The following SNTG2 variants were observed in gnomAD, a reference collection of about 807,000 sequenced individuals.
SNTG2 encodes gamma-2-syntrophin.
Under a neutral mutation model 70.9 loss-of-function variants are expected in SNTG2, and 74 were observed. The observed-to-expected ratio is 1.04, with a 90% CI of 0.86 to 1.27. The LOEUF (loss-of-function observed/expected upper bound fraction) is 1.27, where lower values mean the gene tolerates loss of function less well. Among genes scored for constraint, SNTG2 ranks in the 50% most tolerant of loss-of-function variants. The pLI is 0.00. For missense variants in SNTG2, 717 were observed against 690.7 expected, an observed-to-expected ratio of 1.04 and a Z score of -0.43; for synonymous variants, 278 against 273.8, an observed-to-expected ratio of 1.02 and a Z score of -0.15.
At chr2:1,262,624 GGAAACCCAAAGGCTCAGTCCAGACGTA>G (rs1678474349) in intron 13 of SNTG2, among the ~76,000 whole-genome samples, 1 of 138,708 alleles carries the variant, frequency 7.2e-6, no homozygotes, top group Non-Finnish European at 1.6e-5. Context: ...GTCCAGACGA[GGAAACCCAAAGGCTCAGTCCAGACGTA>G]GTAACCGGAA....
intron 1 of SNTG2, among the ~76,000 whole-genome samples, chr2:964,343 C>T (rs548262213): frequency 5.8e-4 from 88 of 152,278 alleles, no homozygotes; most frequent in Admixed American, 3.4e-3. Flanking sequence ...ATGGTGTCTC[C>T]GCCTGCCTCC....
At chr2:1,292,488 A>G (rs935533811) in intron 14 of SNTG2, among the ~76,000 whole-genome samples, 1 of 152,140 alleles carries the variant, frequency 6.6e-6, no homozygotes, top group African/African-American at 2.4e-5. Flanking sequence ...GGGCTTTTAT[A>G]TAAGGCCTTT....
chr2:1,189,681 C>G (rs909126404), intron 8 of SNTG2, among the ~76,000 whole-genome samples: 1 of 151,968 alleles, frequency 6.6e-6, no homozygotes, highest in Non-Finnish European at 1.5e-5. Flanking sequence ...GCCTCAGCCT[C>G]CCAAGTAGGT....
At chr2:1,299,492 C>G (rs1267598987) in intron 14 of SNTG2, among the ~76,000 whole-genome samples, 3 of 152,196 alleles carry the variant, frequency 2.0e-5, no homozygotes, top group Non-Finnish European at 4.4e-5. Context: ...ACACCTGGCT[C>G]TCCTCCCTGG....
intron 1 of SNTG2, among the ~76,000 whole-genome samples, chr2:964,913 C>A (rs530653737): frequency 1.2e-4 from 19 of 152,222 alleles, no homozygotes; most frequent in Admixed American, 2.0e-4. Context: ...GGTGGCAGCC[C>A]CCTCTGTCCT....
chr2:1,125,856 CTG>C (rs1433037167), intron 4 of SNTG2, among the ~76,000 whole-genome samples: 1 of 151,890 alleles, frequency 6.6e-6, no homozygotes, highest in Non-Finnish European at 1.5e-5. Context: ...TAGGGTGAAG[CTG>C]TGTTTTTTTT....
chr2:1,284,875 TATTAGTC>T (rs1300929963), intron 14 of SNTG2, among the ~76,000 whole-genome samples: 1 of 148,610 alleles, frequency 6.7e-6, no homozygotes, highest in Non-Finnish European at 1.5e-5. Flanking sequence ...ATACTTACTG[TATTAGTC>T]AGGGTTCTCT....
At chr2:1,073,416 AGAT>A (rs1663706182) in intron 1 of SNTG2, among the ~76,000 whole-genome samples, 1 of 152,264 alleles carries the variant, frequency 6.6e-6, no homozygotes, top group South Asian at 2.1e-4. Flanking sequence ...GCCAAGGCTC[AGAT>A]GATTGTTAAC....
intron 1 of SNTG2, among the ~76,000 whole-genome samples, chr2:1,061,953 A>G (rs1415963766): frequency 1.3e-5 from 2 of 152,214 alleles, no homozygotes; most frequent in East Asian, 3.8e-4. Context: ...CTATAAATCT[A>G]TAACAAAGAA....
intron 1 of SNTG2, among the ~76,000 whole-genome samples, chr2:960,958 T>G (rs1572166194): frequency 6.6e-6 from 1 of 152,336 alleles, no homozygotes; most frequent in East Asian, 1.9e-4. Context: ...GTTTGTCTGT[T>G]CCTGTCACTC....
intron 8 of SNTG2, among the ~76,000 whole-genome samples, chr2:1,184,423 G>A (rs1366479062): frequency 6.6e-6 from 1 of 152,136 alleles, no homozygotes; most frequent in East Asian, 1.9e-4. Context: ...AAAAAACTAT[G>A]ATGACTATCT....
intron 11 of SNTG2, among the ~76,000 whole-genome samples, chr2:1,240,357 G>A (rs990626515): frequency 2.6e-5 from 4 of 152,090 alleles, no homozygotes; most frequent in Non-Finnish European, 5.9e-5. Context: ...CACTTCCCAC[G>A]TCTATGAGTA....
intron 14 of SNTG2, among the ~76,000 whole-genome samples, chr2:1,272,992 T>C (rs1679115159): frequency 6.6e-6 from 1 of 152,224 alleles, no homozygotes; most frequent in Non-Finnish European, 1.5e-5. Flanking sequence ...TAGGTCTGTG[T>C]GTGCTATACG....
chr2:1,305,415 T>A (rs1013994002), intron 14 of SNTG2, among the ~76,000 whole-genome samples: 1 of 152,216 alleles, frequency 6.6e-6, no homozygotes, highest in African/African-American at 2.4e-5. Flanking sequence ...CTCCCTCCGA[T>A]GTGGGAAGTG....
chr2:1,168,090 C>A (rs7578309), intron 7 of SNTG2, among the ~76,000 whole-genome samples: 1 of 120,622 alleles, frequency 8.3e-6, no homozygotes, highest in African/African-American at 3.9e-5. Context: ...ACCTACAGGC[C>A]GCCCACAGAC....
chr2:1,234,722 G>A (rs28711165), intron 9 of SNTG2, among the ~76,000 whole-genome samples: 33,458 of 152,132 alleles, frequency 0.22, 5,838 homozygotes, highest in African/African-American at 0.48. Flanking sequence ...AGGGGGCAAA[G>A]CTGATGATCT....
chr2:1,354,945 T>C (rs1660764876), intron 16 of SNTG2, among the ~76,000 whole-genome samples: 1 of 152,242 alleles, frequency 6.6e-6, no homozygotes, highest in Admixed American at 6.5e-5. Flanking sequence ...GTTCTCCCTG[T>C]GTCACACAAG....
chr2:997,715 G>A lies in SNTG2; in HGVS notation c.72+46647G>A, dbSNP rs77863986. Among the ~76,000 whole-genome samples the A allele has an allele frequency of 6.6e-3, 1,011 of 152,276 alleles. 12 individuals are homozygous for A. The highest frequency in any genetic ancestry group is 0.023 in the African/African-American group (954 of 41,554). ...CTCTGCCAAACATAGACCCCCCTCT[G>A]GGGCTGAGTGGGGAGCCCAGGCCAC... On this transcript the variant is annotated intron_variant, in intron 1 of 16. Transcript: ENST00000308624.
rs540327619 is a variant in SNTG2 at position 1,306,594 on chromosome 2, G to A, written c.1285-1900G>A. Among the ~76,000 whole-genome samples, 15 of 152,282 alleles carry A rather than the reference G, an allele frequency of 9.9e-5. No individual in the cohort carries two copies. In the South Asian group the frequency reaches 1.0e-3, roughly 11 times the overall value. On this transcript the variant is annotated intron_variant, in intron 14 of 16. Coordinates refer to ENST00000308624, the MANE Select transcript of SNTG2 (RefSeq NM_018968.4). ...AGGCAGTGTGGGCAGCCCATGGAGC[G>A]GAGCCGTGGCAGGACTGAGGACTGA... is the stretch of plus-strand genomic sequence containing the variant.
Sources: allele counts gnomAD v4.1 joint callset (sites outside exome capture counted in the v4.1 genomes callset), GRCh38; gene constraint gnomAD v4.1.1; transcripts MANE v1.5; gene names NCBI Gene and HGNC (gene_info 2026-07-23, HGNC 2026-07-21).